SPRED1: variants seen among roughly 807,000 people sequenced by gnomAD.
SPRED1 encodes sprouty related EVH1 domain containing 1.
In SPRED1, 18 loss-of-function variants were observed where a neutral mutation model predicts 52.3. The observed-to-expected ratio is 0.34, with a 90% CI of 0.24 to 0.51. The LOEUF (loss-of-function observed/expected upper bound fraction) is 0.51, where lower values mean the gene tolerates loss of function less well. Among genes scored for constraint, SPRED1 ranks in the 20% least tolerant of loss-of-function variants. The probability of loss-of-function intolerance (pLI) is 0.97; values close to 1 mark genes in which losing one functional copy is unlikely to be tolerated. For missense variants in SPRED1, 485 were observed against 551.0 expected (o/e 0.88, Z 1.20); for synonymous variants, 155 against 179.7 (o/e 0.86, Z 1.10).
chr15:38,355,459 C>G lies in SPRED1; in HGVS notation c.*3795C>G, dbSNP rs1308098790. The G allele has an allele frequency of 6.6e-6, 1 of 152,110 alleles. No individual in the cohort carries two copies. Among genetic ancestry groups the G allele is most frequent in the Admixed American group, 6.5e-5 (1 of 15,272 alleles). The allele number at this position is 152,110 out of a possible 1,614,324, so 9.4% of individuals were successfully genotyped here. A position where few individuals can be genotyped will look rare whatever the true frequency, so the allele number is the denominator to read the frequency against. On this transcript the variant is annotated 3_prime_UTR_variant, in exon 7 of 7. Transcript: ENST00000299084. ...CTTTTCTTTTTCCTCTCCCCTGCCC[C>G]CTTAATTAAATGGCACGGAAATGTT...
intron 1 of SPRED1, among the ~76,000 whole-genome samples, chr15:38,264,323 A>G (rs947589294): frequency 1.3e-5 from 2 of 152,240 alleles, no homozygotes; most frequent in African/African-American, 4.8e-5. Flanking sequence ...CTTTATTGAC[A>G]GACTAGATTT....
At chr15:38,277,516 G>A (rs567070669) in intron 1 of SPRED1, among the ~76,000 whole-genome samples, 1 of 152,216 alleles carries the variant, frequency 6.6e-6, no homozygotes, top group East Asian at 1.9e-4. Flanking sequence ...TATCCAGTCT[G>A]CCATTGATGG....
At position 38,336,776 on chromosome 15, in the gene SPRED1, T is replaced by C. The variant is rs116200473; in HGVS notation, c.424-2961T>C. 8.6e-3 allele frequency among the ~76,000 whole-genome samples: 1,309 copies of C among 151,938 alleles called. 19 individuals are homozygous for C. The highest frequency in any genetic ancestry group is 0.03 in the African/African-American group (1,238 of 41,422). The stretch of plus-strand genomic sequence containing the variant: ...GGCATAAGAATGATATGTTGGACTT[T>C]AGGGACTCGGAAAAGGGTGGGGGTG... On this transcript the variant is annotated intron_variant, in intron 4 of 6. Transcript: ENST00000299084.
intron 4 of SPRED1, among the ~76,000 whole-genome samples, chr15:38,333,608 A>G (rs1038005806): frequency 6.6e-6 from 1 of 152,140 alleles, no homozygotes; most frequent in African/African-American, 2.4e-5. Context: ...ATAAGAGTGA[A>G]CAGTGTGACA....
chr15:38,280,505 C>T (rs989455627), intron 1 of SPRED1, among the ~76,000 whole-genome samples: 1 of 120,708 alleles, frequency 8.3e-6, no homozygotes, highest in South Asian at 3.3e-4. Context: ...ATCATCTTTG[C>T]GTTAGATTTT....
At chr15:38,285,060 T>C (rs1213448800) in intron 1 of SPRED1, among the ~76,000 whole-genome samples, 1 of 152,078 alleles carries the variant, frequency 6.6e-6, no homozygotes, top group Admixed American at 6.6e-5. Flanking sequence ...TTTTTAAATA[T>C]ATTTTTTTGC....
chr15:38,309,611 A>G (rs1895321367), intron 2 of SPRED1, among the ~76,000 whole-genome samples: 3 of 152,218 alleles, frequency 2.0e-5, no homozygotes, highest in Non-Finnish European at 2.9e-5. Flanking sequence ...GGTCCCATCT[A>G]TCAAGTTTTT....
intron 4 of SPRED1, among the ~76,000 whole-genome samples, chr15:38,327,813 T>C (rs1895734179): frequency 6.6e-6 from 1 of 152,210 alleles, no homozygotes; most frequent in Non-Finnish European, 1.5e-5. Context: ...TTGAAGCTGC[T>C]AAGTTTTGTG....
intron 2 of SPRED1, among the ~76,000 whole-genome samples, chr15:38,310,113 C>G (rs375294367): frequency 8.2e-5 from 2 of 24,244 alleles, no homozygotes; most frequent in African/African-American, 2.0e-4. Context: ...TTAGACTATT[C>G]TTTGTGTGTG....
At chr15:38,348,431 T>C (rs1896186550) in intron 5 of SPRED1, among the ~76,000 whole-genome samples, 1 of 151,854 alleles carries the variant, frequency 6.6e-6, no homozygotes, top group Non-Finnish European at 1.5e-5. Flanking sequence ...TGTGTGTGTG[T>C]GTGTGTGTCT....
chr15:38,335,133 G>T (rs1895886167), intron 4 of SPRED1, among the ~76,000 whole-genome samples: 1 of 151,908 alleles, frequency 6.6e-6, no homozygotes, highest in Admixed American at 6.6e-5. Context: ...TTTATCTTGT[G>T]AGTCTCATGT....
Position 38,354,773 on chromosome 15 carries a change from A to C in SPRED1, c.*3109A>C, listed in dbSNP as rs1477310519. The stretch of plus-strand genomic sequence containing the variant: ...ATATTTGGGACTGGCAATCAAACTT[A>C]ATGGATGTACTGAGGCATTTATAGA... On this transcript the variant is annotated 3_prime_UTR_variant, in exon 7 of 7. Transcript: ENST00000299084. 2.0e-5 allele frequency: 3 copies of C among 152,212 alleles called. No individual in the cohort carries two copies. Among genetic ancestry groups the C allele is most frequent in the Admixed American group, 1.3e-4 (2 of 15,278 alleles). 9.4% of individuals were successfully genotyped at this position (152,212 alleles called of 1,614,324 possible).
Position 38,261,090 on chromosome 15 carries a change from G to A in SPRED1, c.32+7873G>A, listed in dbSNP as rs561579106. 4.6e-5 allele frequency among the ~76,000 whole-genome samples: 7 copies of A among 152,244 alleles called. No individual in the cohort carries two copies. In the South Asian group the frequency reaches 1.2e-3, roughly 27 times the overall value. On this transcript the variant is annotated intron_variant, in intron 1 of 6. Transcript: ENST00000299084. Reference sequence around the variant, plus strand: ...AATGGATCAACATGAGAAAAGCAGTGCATTTTATCACATTTGAAGATTAAT... The same window carrying A: ...AATGGATCAACATGAGAAAAGCAGTACATTTTATCACATTTGAAGATTAAT...
At chr15:38,344,041 C>T (rs931902993) in intron 5 of SPRED1, among the ~76,000 whole-genome samples, 10 of 152,100 alleles carry the variant, frequency 6.6e-5, no homozygotes, top group Admixed American at 3.9e-4. Context: ...TGCATATTTT[C>T]GCTAGAGATT....
At chr15:38,262,235 GA>G (rs1198486002) in intron 1 of SPRED1, among the ~76,000 whole-genome samples, 1 of 152,152 alleles carries the variant, frequency 6.6e-6, no homozygotes, top group African/African-American at 2.4e-5. Context: ...CTAGGCACTT[GA>G]CTTTTGCCTT....
intron 5 of SPRED1, among the ~76,000 whole-genome samples, chr15:38,344,880 T>A (rs1322613618): frequency 1.3e-5 from 2 of 152,184 alleles, no homozygotes; most frequent in East Asian, 1.9e-4. Context: ...CATAACTAGA[T>A]GTTTATACAT....
intron 1 of SPRED1, among the ~76,000 whole-genome samples, chr15:38,285,975 G>T (rs921932221): frequency 6.6e-6 from 1 of 152,098 alleles, no homozygotes; most frequent in African/African-American, 2.4e-5. Flanking sequence ...CAGGTGTGGA[G>T]GCTCATGCCT....
intron 5 of SPRED1, among the ~76,000 whole-genome samples, chr15:38,343,503 G>C (rs1397763628): frequency 1.3e-5 from 2 of 152,098 alleles, no homozygotes; most frequent in Non-Finnish European, 2.9e-5. Flanking sequence ...TTACAGATTT[G>C]CTATTGAGAC....
intron 1 of SPRED1, among the ~76,000 whole-genome samples, chr15:38,255,554 T>C (rs1595709589): frequency 6.6e-6 from 1 of 152,222 alleles, no homozygotes; most frequent in East Asian, 1.9e-4. Flanking sequence ...TCAGTTTTAC[T>C]AGAGCCAGCA....
Sources: gnomAD v4.1 joint callset for allele counts (sites outside exome capture counted in the v4.1 genomes callset) on GRCh38, gnomAD v4.1.1 for gene constraint, MANE v1.5 for transcripts, NCBI Gene and HGNC (gene_info 2026-07-23, HGNC 2026-07-21) for gene names.